Variants in MLIP observed in about 807,000 individuals in gnomAD.
MLIP encodes muscular LMNA-interacting protein.
In MLIP, 79 loss-of-function variants were observed where a neutral mutation model predicts 84.8. The observed-to-expected ratio is 0.93, with a 90% CI of 0.78 to 1.12. The LOEUF (loss-of-function observed/expected upper bound fraction) is 1.12. MLIP is among the 50% of genes most tolerant of loss of function. The pLI, the probability that MLIP is intolerant of heterozygous loss-of-function variation, is 0.00. For synonymous variants in MLIP, 504 were observed against 463.0 expected (o/e 1.09, Z -1.14); for missense variants, 1,257 against 1,160.6 (o/e 1.08, Z -1.21).
At chr6:54,261,633 A>G in intron 13 of MLIP, 1 of 985,092 alleles carries the variant, frequency 1.0e-6, no homozygotes, top group Non-Finnish European at 1.2e-6. Context: ...TTTGAATTTC[A>G]GAACCTCCAC....
chr6:54,078,522 G>A lies in MLIP; in HGVS notation c.64-42925G>A, dbSNP rs551470737. Among the ~76,000 whole-genome samples, 110 of 152,276 alleles carry A rather than the reference G, an allele frequency of 7.2e-4. 1 individual carries two copies. In the Middle Eastern group the frequency reaches 0.01, roughly 14 times the overall value. ...CTGCTTCAGCCTGAGGCTGCTGTGA[G>A]CCTGTGAGCCATGATTGTGCCACTG... is the stretch of plus-strand genomic sequence containing the variant. On this transcript the variant is annotated intron_variant, in intron 1 of 12. Transcript: ENST00000274897.
At chr6:54,117,457 A>T (rs1582183459) in intron 1 of MLIP, among the ~76,000 whole-genome samples, 2 of 150,486 alleles carry the variant, frequency 1.3e-5, no homozygotes, top group East Asian at 4.1e-4. Flanking sequence ...CTTGTGAGCC[A>T]CCCACCTCAG....
intron 1 of MLIP, among the ~76,000 whole-genome samples, chr6:54,030,926 G>A (rs1429219528): frequency 6.6e-6 from 1 of 152,150 alleles, no homozygotes; most frequent in Non-Finnish European, 1.5e-5. Context: ...GGACACAGTA[G>A]GGGAATTAGT....
intron 13 of MLIP, among the ~76,000 whole-genome samples, chr6:54,259,796 G>T (rs979273308): frequency 1.3e-5 from 2 of 151,808 alleles, no homozygotes; most frequent in African/African-American, 4.8e-5. Context: ...TTACTTCTTA[G>T]TAATATTGGC....
intron 8 of MLIP, 88 bp downstream of exon 8, chr6:54,160,887 T>C: frequency 9.2e-7 from 1 of 1,081,408 alleles, no homozygotes; most frequent in Non-Finnish European, 1.4e-6. Flanking sequence ...CAATAGTGAA[T>C]TGAGAAATAA....
chr6:54,206,530 C>A (rs1196013756), intron 11 of MLIP, among the ~76,000 whole-genome samples: 1 of 151,828 alleles, frequency 6.6e-6, no homozygotes, highest in Non-Finnish European at 1.5e-5. Context: ...ATGAAGATGA[C>A]CATTTAGAGA....
At chr6:54,243,284 G>A (rs145268870) in intron 12 of MLIP, among the ~76,000 whole-genome samples, 1 of 152,232 alleles carries the variant, frequency 6.6e-6, no homozygotes, top group East Asian at 1.9e-4. Context: ...CCAGCTAGAG[G>A]GGGCAGCAAG....
chr6:54,187,581 T>A (rs1455595949), intron 9 of MLIP, among the ~76,000 whole-genome samples: 1 of 152,188 alleles, frequency 6.6e-6, no homozygotes, highest in Non-Finnish European at 1.5e-5. Flanking sequence ...CATACTAACA[T>A]GCAGTTAAAG....
chr6:54,133,605 G>A (rs1771564166), intron 3 of MLIP, among the ~76,000 whole-genome samples: 1 of 152,142 alleles, frequency 6.6e-6, no homozygotes, highest in African/African-American at 2.4e-5. Flanking sequence ...AGAAACATCA[G>A]GGAAAATTGA....
In MLIP at chr6:54,145,670, G is replaced by A. The variant is rs561420290; in HGVS notation, c.2218-3386G>A. Among the ~76,000 whole-genome samples the A allele has an allele frequency of 3.0e-4, 45 of 152,146 alleles. No homozygotes were observed. The South Asian group carries it at 9.2e-3, about 31-fold the overall frequency. ...ACATGCCTGTATTACCAGATGCTCT[G>A]GAGGCTGAGGTGGAAGAATTGCTTG... On this transcript the variant is annotated intron_variant, in intron 4 of 13. Transcript: ENST00000502396.
intron 1 of MLIP, among the ~76,000 whole-genome samples, chr6:54,087,520 A>C (rs1767578263): frequency 2.0e-5 from 3 of 152,194 alleles, no homozygotes; most frequent in Admixed American, 6.6e-5. Flanking sequence ...AGTGGCAAAG[A>C]GGAATGAATC....
At position 54,068,465 on chromosome 6, in the gene MLIP, G is replaced by A. The variant is rs1463792965; in HGVS notation, c.63+49374G>A. On this transcript the variant is annotated intron_variant, in intron 1 of 12. Coordinates refer to the MLIP transcript ENST00000274897. ...TCTTTCTTTCTGACTGAAAAATGTG[G>A]TTGCCACGTGGCTGACAACAGACCA... 6.8e-4 allele frequency among the ~76,000 whole-genome samples: 67 copies of A among 98,906 alleles called. 28 individuals are homozygous for A. The highest frequency in any genetic ancestry group is 4.9e-4 in the Non-Finnish European group (17 of 34,422). The allele number at this position is 98,906 out of a possible 152,430, so 64.9% of individuals were successfully genotyped here.
chr6:54,249,108 A>G (rs182197489), intron 12 of MLIP, among the ~76,000 whole-genome samples: 1 of 152,242 alleles, frequency 6.6e-6, no homozygotes, highest in East Asian at 1.9e-4. Context: ...AGGAGATGCC[A>G]TAAAGAAGAC....
At chr6:54,023,756 G>A (rs1472285656) in intron 1 of MLIP, among the ~76,000 whole-genome samples, 1 of 151,946 alleles carries the variant, frequency 6.6e-6, no homozygotes, top group South Asian at 2.1e-4. Context: ...TTTTAGTAGA[G>A]ACTGGGTTTC....
intron 11 of MLIP, among the ~76,000 whole-genome samples, chr6:54,203,329 C>T (rs1778818624): frequency 6.6e-6 from 1 of 151,956 alleles, no homozygotes; most frequent in Non-Finnish European, 1.5e-5. Flanking sequence ...ATTCAGAAAA[C>T]TTTCTGAATA....
In MLIP at chr6:54,256,407, G is replaced by T. The variant is rs546598513; in HGVS notation, c.2923-901G>T. Reference sequence around the variant, plus strand: ...GACTTTTTGCCCAAAGCAAGACCCTGTTGAAAGTGAAAGGGGTCCAATCAT... The same window carrying T: ...GACTTTTTGCCCAAAGCAAGACCCTTTTGAAAGTGAAAGGGGTCCAATCAT... On this transcript the variant is annotated intron_variant, in intron 12 of 13. Coordinates refer to ENST00000502396, the MANE Select transcript of MLIP (RefSeq NM_001281747.2). 1.1e-3 allele frequency among the ~76,000 whole-genome samples: 175 copies of T among 152,244 alleles called. 2 individuals are homozygous for T. Among genetic ancestry groups the T allele is most frequent in the African/African-American group, 3.6e-3 (150 of 41,550 alleles).
At chr6:54,218,807 C>T (rs1216954784) in intron 11 of MLIP, among the ~76,000 whole-genome samples, 1 of 152,060 alleles carries the variant, frequency 6.6e-6, no homozygotes, top group Admixed American at 6.5e-5. Context: ...TGAGCCACCA[C>T]AACTGGCCAC....
At chr6:54,114,676 T>C (rs1769756142) in intron 1 of MLIP, among the ~76,000 whole-genome samples, 1 of 152,232 alleles carries the variant, frequency 6.6e-6, no homozygotes, top group East Asian at 1.9e-4. Flanking sequence ...ATGTTGTTTA[T>C]TTATTTGTCT....
At chr6:54,128,488 C>G (rs116658150) in intron 3 of MLIP, among the ~76,000 whole-genome samples, 2,265 of 152,108 alleles carry the variant, frequency 0.015, 70 homozygotes, top group African/African-American at 0.05. Context: ...GCAGTGGAAA[C>G]TAATGAGACT....
Sources: allele counts gnomAD v4.1 joint callset (sites outside exome capture counted in the v4.1 genomes callset), GRCh38; gene constraint gnomAD v4.1.1; transcripts MANE v1.5; gene names NCBI Gene and HGNC (gene_info 2026-07-23, HGNC 2026-07-21).